The following NXPH2 variants were observed in gnomAD, a reference collection of about 807,000 sequenced individuals.
NXPH2 encodes the protein neurexophilin-2.
A neutral mutation model predicts 19.8 loss-of-function variants in NXPH2; 5 were observed. The observed-to-expected ratio is 0.25, with a 90% CI of 0.13 to 0.53. The LOEUF (loss-of-function observed/expected upper bound fraction) is 0.53, where lower values mean the gene tolerates loss of function less well. Ranked by LOEUF, NXPH2 falls within the 20% of genes least tolerant of loss-of-function variation. The pLI is 0.96. For missense variants in NXPH2, 289 were observed against 322.8 expected, an observed-to-expected ratio of 0.90 and a Z score of 0.80; for synonymous variants, 154 against 127.4, an observed-to-expected ratio of 1.21 and a Z score of -1.41.
rs183385714 is a variant in NXPH2, at chr2:138,724,687, C to A, written c.52-53022G>T. On this transcript the variant is annotated intron_variant, in intron 1 of 1. Coordinates refer to ENST00000272641, the MANE Select transcript of NXPH2 (RefSeq NM_007226.3). ...CTGCTTCAGTGCAAAGGAGATGTGG[C>A]GAAACAGTGAAACTCTACTCCTCAT... Among the ~76,000 whole-genome samples the A allele has an allele frequency of 1.4e-4, 21 of 152,244 alleles. No individual in the cohort carries two copies. In the East Asian group the frequency reaches 4.0e-3, roughly 29 times the overall value.
chr2:138,776,657 G>A (rs1339606515), intron 1 of NXPH2, among the ~76,000 whole-genome samples: 1 of 147,224 alleles, frequency 6.8e-6, no homozygotes, highest in Non-Finnish European at 1.5e-5. Context: ...ATAGCCAACA[G>A]AGGACTATTC....
At chr2:138,774,558 T>C (rs1682230286) in intron 1 of NXPH2, among the ~76,000 whole-genome samples, 2 of 152,212 alleles carry the variant, frequency 1.3e-5, no homozygotes, top group African/African-American at 4.8e-5. Context: ...AAAGGAGAGA[T>C]GTTAAAAACA....
chr2:138,684,449 G>C (rs1237828096), intron 1 of NXPH2, among the ~76,000 whole-genome samples: 1 of 151,964 alleles, frequency 6.6e-6, no homozygotes, highest in African/African-American at 2.4e-5. Flanking sequence ...TCTGATAACT[G>C]TTAACATTTT....
intron 1 of NXPH2, among the ~76,000 whole-genome samples, chr2:138,766,863 A>T (rs1682100471): frequency 6.6e-6 from 1 of 152,250 alleles, no homozygotes; most frequent in African/African-American, 2.4e-5. Flanking sequence ...TTTAAATTGT[A>T]GAAGAAATGA....
At chr2:138,747,434 G>C (rs148604958) in intron 1 of NXPH2, among the ~76,000 whole-genome samples, 1,873 of 152,260 alleles carry the variant, frequency 0.012, 19 homozygotes, top group Middle Eastern at 0.051. Flanking sequence ...CAACTGGAAA[G>C]CTGAATGTAA....
intron 1 of NXPH2, among the ~76,000 whole-genome samples, chr2:138,693,511 G>T (rs1680774142): frequency 6.6e-6 from 1 of 152,072 alleles, no homozygotes; most frequent in African/African-American, 2.4e-5. Flanking sequence ...GTGAATTTCT[G>T]CAGTATCCTC....
chr2:138,739,665 G>C (rs564231376), intron 1 of NXPH2, among the ~76,000 whole-genome samples: 1 of 152,274 alleles, frequency 6.6e-6, no homozygotes, highest in Middle Eastern at 3.4e-3. Context: ...TTCCTCTGCA[G>C]TTTAGTTGAT....
chr2:138,730,957 C>A (rs765089191), intron 1 of NXPH2, among the ~76,000 whole-genome samples: 5 of 152,130 alleles, frequency 3.3e-5, no homozygotes, highest in African/African-American at 1.2e-4. Flanking sequence ...TCTTCCCATG[C>A]CCTTTGTTGT....
rs70982073 is a variant in NXPH2, at chr2:138,707,094, C to CAAAAAAAAAAAAAAAAAAAAAAAAA, written c.52-35430_52-35429insTTTTTTTTTTTTTTTTTTTTTTTTT. Among the ~76,000 whole-genome samples the CAAAAAAAAAAAAAAAAAAAAAAAAA allele has an allele frequency of 4.9e-3, 170 of 34,822 alleles. 44 individuals carry two copies. Among genetic ancestry groups the CAAAAAAAAAAAAAAAAAAAAAAAAA allele is most frequent in the East Asian group, 0.029 (15 of 520 alleles). 22.8% of individuals were successfully genotyped at this position (34,822 alleles called of 152,430 possible). ...ATGACTTTAAGTACTTGCCCCATGACAAAAAAAAAAAAAAAAAAGAGCAAG... is the reference window on the plus strand; with the variant it reads ...ATGACTTTAAGTACTTGCCCCATGACAAAAAAAAAAAAAAAAAAAAAAAAAAAAAAAAAAAAAAAAAAAGAGCAAG... On this transcript the variant is annotated intron_variant, in intron 1 of 1. Coordinates refer to ENST00000272641, the MANE Select transcript of NXPH2 (RefSeq NM_007226.3).
At chr2:138,736,458 C>T (rs1387339060) in intron 1 of NXPH2, among the ~76,000 whole-genome samples, 1 of 152,220 alleles carries the variant, frequency 6.6e-6, no homozygotes, top group East Asian at 1.9e-4. Context: ...CTGTCAGCCA[C>T]AGCTGCAGCA....
At chr2:138,749,264 A>G (rs1681790021) in intron 1 of NXPH2, among the ~76,000 whole-genome samples, 2 of 152,170 alleles carry the variant, frequency 1.3e-5, no homozygotes. Flanking sequence ...CCCTTCCAAC[A>G]TAATTGTAAG....
intron 1 of NXPH2, among the ~76,000 whole-genome samples, chr2:138,693,925 GGT>G (rs1193798051): frequency 6.6e-6 from 1 of 152,098 alleles, no homozygotes; most frequent in Non-Finnish European, 1.5e-5. Context: ...ATCAAAACCT[GGT>G]AGGCTTTAAA....
intron 1 of NXPH2, among the ~76,000 whole-genome samples, chr2:138,709,256 T>C (rs1341495070): frequency 6.6e-6 from 1 of 152,152 alleles, no homozygotes; most frequent in African/African-American, 2.4e-5. Context: ...CACTGCACTT[T>C]CTCTCCCATC....
At chr2:138,671,686 GAAAT>G in intron 1 of NXPH2, 21 bp from the exon 2 acceptor site, 1 of 1,524,182 alleles carries the variant, frequency 6.6e-7, no homozygotes, top group Non-Finnish European at 8.8e-7. Context: ...AGAAGAAAGA[GAAAT>G]AAACTTTAGG....
chr2:138,702,830 C>G (rs182064019), intron 1 of NXPH2, among the ~76,000 whole-genome samples: 2 of 152,180 alleles, frequency 1.3e-5, no homozygotes, highest in East Asian at 3.9e-4. Context: ...GACAAATAAG[C>G]TTTAACAATG....
At chr2:138,728,835 A>G (rs1681401207) in intron 1 of NXPH2, among the ~76,000 whole-genome samples, 2 of 152,164 alleles carry the variant, frequency 1.3e-5, no homozygotes, top group African/African-American at 4.8e-5. Flanking sequence ...CTTACAAAGT[A>G]TTTTCATGAC....
At chr2:138,708,488 C>T (rs1681051301) in intron 1 of NXPH2, among the ~76,000 whole-genome samples, 2 of 152,174 alleles carry the variant, frequency 1.3e-5, no homozygotes. Context: ...ATGCTGCATT[C>T]ACTGAAAACT....
chr2:138,711,793 G>A (rs1037747601), intron 1 of NXPH2, among the ~76,000 whole-genome samples: 1 of 152,020 alleles, frequency 6.6e-6, no homozygotes, highest in Admixed American at 6.6e-5. Flanking sequence ...TGGCCTTTGT[G>A]GTTCTCATTT....
intron 1 of NXPH2, among the ~76,000 whole-genome samples, chr2:138,717,232 C>T (rs1047268909): frequency 1.3e-5 from 2 of 152,060 alleles, no homozygotes; most frequent in South Asian, 2.1e-4. Flanking sequence ...TAATCATACA[C>T]CTACCCTATG....
Sources: allele counts gnomAD v4.1 joint callset (sites outside exome capture counted in the v4.1 genomes callset), GRCh38; gene constraint gnomAD v4.1.1; transcripts MANE v1.5; gene names NCBI Gene and HGNC (gene_info 2026-07-23, HGNC 2026-07-21).